The following CDH11 variants were observed in gnomAD, a reference collection of about 807,000 sequenced individuals.
The protein encoded by CDH11 is cadherin-11.
Under a neutral mutation model 67.8 loss-of-function variants are expected in CDH11, and 11 were observed. The ratio of observed to expected loss-of-function variants is 0.16; its 90% confidence interval spans 0.10 to 0.27. The LOEUF is 0.27. Among genes scored for constraint, CDH11 ranks in the 10% least tolerant of loss-of-function variants. The pLI is 1.00. For missense variants in CDH11, 847 were observed against 1,031.2 expected, an observed-to-expected ratio of 0.82 and a Z score of 2.45; for synonymous variants, 419 against 400.0, an observed-to-expected ratio of 1.05 and a Z score of -0.57.
intron 2 of CDH11, among the ~76,000 whole-genome samples, chr16:65,016,465 T>C (rs2073312786): frequency 6.6e-6 from 1 of 152,192 alleles, no homozygotes. Flanking sequence ...ATATTAAGTG[T>C]CTTTTGTGGG....
chr16:65,055,203 C>T (rs1190112556), intron 1 of CDH11, among the ~76,000 whole-genome samples: 1 of 152,160 alleles, frequency 6.6e-6, no homozygotes, highest in Non-Finnish European at 1.5e-5. Context: ...TGTGGCCAGT[C>T]TCTAAAATTA....
At chr16:65,122,262 G>T, upstream of CDH11, 1 of 415,668 alleles carries the variant, frequency 2.4e-6, no homozygotes, top group Non-Finnish European at 4.3e-6. Flanking sequence ...CCCCGTCCGC[G>T]CCCCTCCCCC....
At chr16:64,973,630 A>T (rs1222683760) in intron 8 of CDH11, among the ~76,000 whole-genome samples, 1 of 152,086 alleles carries the variant, frequency 6.6e-6, no homozygotes. Flanking sequence ...ACATGGTGAA[A>T]TCGCATCTCT....
At chr16:65,109,798 T>A (rs1373592151) in intron 1 of CDH11, among the ~76,000 whole-genome samples, 2 of 152,316 alleles carry the variant, frequency 1.3e-5, no homozygotes, top group South Asian at 2.1e-4. Flanking sequence ...CCTCATCCAC[T>A]GAGCTATATT....
At chr16:65,019,948 T>C (rs2073389848) in intron 2 of CDH11, among the ~76,000 whole-genome samples, 1 of 152,274 alleles carries the variant, frequency 6.6e-6, no homozygotes, top group African/African-American at 2.4e-5. Flanking sequence ...CAAAAACACA[T>C]TCTACTTTCT....
At chr16:65,105,070 C>T (rs16968497) in intron 1 of CDH11, among the ~76,000 whole-genome samples, 32,065 of 152,108 alleles carry the variant, frequency 0.21, 3,713 homozygotes, top group Middle Eastern at 0.33. Flanking sequence ...CAGTTCTTCC[C>T]GAAATGACTT....
intron 1 of CDH11, among the ~76,000 whole-genome samples, chr16:65,085,991 C>CT (rs1464216073): frequency 6.6e-6 from 1 of 152,202 alleles, no homozygotes; most frequent in East Asian, 1.9e-4. Flanking sequence ...ACTTAGAAGT[C>CT]TGTTATCTAA....
intron 7 of CDH11, chr16:64,986,490 C>G (rs373029031): frequency 5.7e-4 from 86 of 151,982 alleles, no homozygotes; most frequent in African/African-American, 2.0e-3. Context: ...CTTAGCATAA[C>G]CAACTACCCA....
Position 64,945,851 on chromosome 16 carries a change from A to C in CDH11, c.*1752T>G. On this transcript the variant is annotated 3_prime_UTR_variant, in exon 13 of 13. Transcript: ENST00000268603. ...AACTTTCACAATAAAGTCAGAAAAA[A>C]ACTGTAAAAATTGTCTGCAATCCAA... 9.5e-7 allele frequency: 1 copy of C among 1,053,882 alleles called. No individual in the cohort carries two copies. The highest frequency in any genetic ancestry group is 1.1e-6 in the Non-Finnish European group (1 of 872,152). 65.3% of individuals were successfully genotyped at this position (1,053,882 alleles called of 1,614,324 possible).
chr16:64,992,955 G>A lies in CDH11; in HGVS notation c.603C>T (p.Ile201=). 6.2e-7 allele frequency: 1 copy of A among 1,612,618 alleles called. No homozygotes were observed. Among genetic ancestry groups the A allele is most frequent in the Non-Finnish European group, 8.5e-7 (1 of 1,178,764 alleles). Residue 201 remains isoleucine, a synonymous_variant, in exon 5 of 13, where the codon ATC becomes ATT. Coordinates refer to ENST00000268603, the MANE Select transcript of CDH11 (RefSeq NM_001797.4). Reference sequence around the variant, plus strand: ...CCGAAAAATAGGGTTGTCCTTCGAGGATACTGTACACTAACTTGGCGCTAT... The same window carrying A: ...CCGAAAAATAGGGTTGTCCTTCGAGAATACTGTACACTAACTTGGCGCTAT... ...YGNSAKLVYS[I]LEGQPYFSVE...
At chr16:65,009,324 A>C (rs75006960) in intron 2 of CDH11, among the ~76,000 whole-genome samples, 1 of 152,214 alleles carries the variant, frequency 6.6e-6, no homozygotes, top group African/African-American at 2.4e-5. Context: ...ACATCAGTCC[A>C]TCAATAACCA....
At chr16:65,088,529 AT>A (rs1878401264) in intron 1 of CDH11, among the ~76,000 whole-genome samples, 1 of 152,238 alleles carries the variant, frequency 6.6e-6, no homozygotes, top group South Asian at 2.1e-4. Context: ...ATTATTAAAA[AT>A]ATATTCATTA....
chr16:64,983,931 A>G (rs1191385320), intron 7 of CDH11, among the ~76,000 whole-genome samples: 1 of 152,230 alleles, frequency 6.6e-6, no homozygotes, highest in Non-Finnish European at 1.5e-5. Flanking sequence ...TTGCTAGAGC[A>G]GAAACTTTTG....
chr16:65,028,238 C>A (rs563066524), intron 2 of CDH11, among the ~76,000 whole-genome samples: 4 of 152,256 alleles, frequency 2.6e-5, no homozygotes, highest in Non-Finnish European at 5.9e-5. Context: ...TTGCTCGGGG[C>A]TTTGAAGTTC....
intron 2 of CDH11, among the ~76,000 whole-genome samples, chr16:65,011,094 T>TG (rs1328580474): frequency 1.0e-4 from 13 of 124,132 alleles, no homozygotes; most frequent in African/African-American, 4.1e-4. Flanking sequence ...ACACACATAT[T>TG]TTTTATATAT....
At chr16:65,057,477 G>C (rs1054010189) in intron 1 of CDH11, among the ~76,000 whole-genome samples, 4 of 152,130 alleles carry the variant, frequency 2.6e-5, no homozygotes, top group African/African-American at 4.8e-5. Context: ...TAGAAATCAG[G>C]AAAAGGAACA....
chr16:65,120,234 T>C (rs1253606600), intron 1 of CDH11, among the ~76,000 whole-genome samples: 1 of 152,194 alleles, frequency 6.6e-6, no homozygotes, highest in Non-Finnish European at 1.5e-5. Context: ...TATTAGGCTC[T>C]AGCGCTCAGA....
intron 6 of CDH11, 124 bp downstream of exon 6, chr16:64,991,644 T>C (rs2054491604): frequency 5.2e-6 from 3 of 577,024 alleles, no homozygotes; most frequent in South Asian, 2.9e-5. Flanking sequence ...GTAAGAATGA[T>C]ATGAATTGCC....
At chr16:65,025,233 C>G (rs2073508235) in intron 2 of CDH11, among the ~76,000 whole-genome samples, 1 of 152,176 alleles carries the variant, frequency 6.6e-6, no homozygotes, top group Non-Finnish European at 1.5e-5. Context: ...AATGAGATAA[C>G]AAATGGGGAA....
Sources: allele counts gnomAD v4.1 joint callset (sites outside exome capture counted in the v4.1 genomes callset), GRCh38; gene constraint gnomAD v4.1.1; transcripts MANE v1.5; gene names NCBI Gene and HGNC (gene_info 2026-07-23, HGNC 2026-07-21).